KCNN3: variants seen among roughly 807,000 people sequenced by gnomAD.
KCNN3 encodes potassium calcium-activated channel subfamily N member 3, also known as small conductance calcium-activated potassium channel protein 3.
A neutral mutation model predicts 62.9 loss-of-function variants in KCNN3; 16 were observed. That is an observed-to-expected ratio of 0.25 (90% CI 0.17 to 0.39). The LOEUF (loss-of-function observed/expected upper bound fraction) is 0.39, where lower values mean the gene tolerates loss of function less well. Ranked by LOEUF, KCNN3 falls within the 10% of genes least tolerant of loss-of-function variation. The pLI is 1.00. For missense variants in KCNN3, 599 were observed against 949.4 expected, an observed-to-expected ratio of 0.63 and a Z score of 4.85; for synonymous variants, 370 against 389.2, an observed-to-expected ratio of 0.95 and a Z score of 0.58.
intron 1 of KCNN3, among the ~76,000 whole-genome samples, chr1:154,844,285 G>A (rs1289576856): frequency 6.6e-6 from 1 of 152,226 alleles, no homozygotes; most frequent in Non-Finnish European, 1.5e-5. Flanking sequence ...TACCTTTAAT[G>A]GAGAGTAAGA....
At chr1:154,789,673 C>T (rs1423693325) in intron 2 of KCNN3, among the ~76,000 whole-genome samples, 7 of 152,102 alleles carry the variant, frequency 4.6e-5, no homozygotes, top group Non-Finnish European at 8.8e-5. Flanking sequence ...ATCGGAGAGG[C>T]GGCACTCAGG....
chr1:154,795,240 T>C (rs749973052), intron 2 of KCNN3, among the ~76,000 whole-genome samples: 5 of 152,198 alleles, frequency 3.3e-5, no homozygotes, highest in African/African-American at 4.8e-5. Flanking sequence ...TGGGATTAGA[T>C]TGCCTTTGCG....
At chr1:154,726,155 G>A in intron 4 of KCNN3, 129 bp from the exon 5 acceptor site, 1 of 675,980 alleles carries the variant, frequency 1.5e-6, no homozygotes, top group African/African-American at 1.8e-5. Context: ...GAGCTCTCTG[G>A]CTGGTCACGA....
At chr1:154,814,130 A>G (rs1392850461) in intron 2 of KCNN3, among the ~76,000 whole-genome samples, 2 of 152,252 alleles carry the variant, frequency 1.3e-5, no homozygotes, top group Non-Finnish European at 2.9e-5. Context: ...TGGGACCCGC[A>G]GCCCCTTAGG....
At chr1:154,764,088 T>C (rs1571251932) in intron 3 of KCNN3, among the ~76,000 whole-genome samples, 1 of 152,354 alleles carries the variant, frequency 6.6e-6, no homozygotes, top group South Asian at 2.1e-4. Context: ...GGTCCTTCTG[T>C]TCTAGGTACT....
chr1:154,755,554 G>T (rs1304824930), intron 3 of KCNN3, among the ~76,000 whole-genome samples: 2 of 93,978 alleles, frequency 2.1e-5, no homozygotes, highest in African/African-American at 7.5e-5. Context: ...AAGGAAGGAA[G>T]AAAGAAAGAA....
intron 2 of KCNN3, among the ~76,000 whole-genome samples, chr1:154,782,647 A>G (rs1285903939): frequency 6.6e-6 from 1 of 152,180 alleles, no homozygotes; most frequent in African/African-American, 2.4e-5. Context: ...GTTCATAGCT[A>G]TTCCCTTTTG....
At chr1:154,846,342 G>A (rs763985910) in intron 1 of KCNN3, among the ~76,000 whole-genome samples, 2 of 152,070 alleles carry the variant, frequency 1.3e-5, no homozygotes, top group African/African-American at 2.4e-5. Context: ...CCAAATCATC[G>A]CTGGCTTCTT....
At chr1:154,752,709 G>A (rs1036836459) in intron 3 of KCNN3, among the ~76,000 whole-genome samples, 1 of 152,282 alleles carries the variant, frequency 6.6e-6, no homozygotes, top group Non-Finnish European at 1.5e-5. Flanking sequence ...GCTGGGCACT[G>A]TAGCAGACAT....
At chr1:154,792,309 C>CA (rs987336173) in intron 2 of KCNN3, among the ~76,000 whole-genome samples, 3 of 152,198 alleles carry the variant, frequency 2.0e-5, no homozygotes, top group Non-Finnish European at 4.4e-5. Context: ...ATAGCCTTTC[C>CA]ACCAGTGACA....
chr1:154,783,616 G>T (rs929995105), intron 2 of KCNN3, among the ~76,000 whole-genome samples: 2 of 152,172 alleles, frequency 1.3e-5, no homozygotes, highest in Non-Finnish European at 2.9e-5. Context: ...GGGGTCAGAG[G>T]AGACCAACAC....
chr1:154,710,459 A>AT (rs561290985), intron 7 of KCNN3, among the ~76,000 whole-genome samples: 108 of 151,826 alleles, frequency 7.1e-4, no homozygotes, highest in South Asian at 4.0e-3. Context: ...GGTTCTGCAG[A>AT]TTTTTCCCTT....
intron 5 of KCNN3, among the ~76,000 whole-genome samples, chr1:154,724,041 T>C (rs1700411096): frequency 6.6e-6 from 1 of 152,228 alleles, no homozygotes; most frequent in African/African-American, 2.4e-5. Context: ...CTCAGGGCCA[T>C]GATGTATCAA....
intron 1 of KCNN3, 105 bp from the exon 2 acceptor site, chr1:154,822,289 T>A (rs1650934374): frequency 9.5e-6 from 8 of 844,938 alleles, no homozygotes; most frequent in Middle Eastern, 2.3e-4. Context: ...CAGGAGGGAC[T>A]GTTACCAGCC....
chr1:154,868,872 C>G (rs1653055621), intron 1 of KCNN3, among the ~76,000 whole-genome samples, 160 bp downstream of exon 1: 1 of 151,892 alleles, frequency 6.6e-6, no homozygotes, highest in African/African-American at 2.4e-5. Flanking sequence ...CACCACCTCT[C>G]TCTCCCAGTC....
At chr1:154,820,319 A>G (rs1283668058) in intron 2 of KCNN3, among the ~76,000 whole-genome samples, 6 of 152,248 alleles carry the variant, frequency 3.9e-5, no homozygotes, top group Admixed American at 3.9e-4. Context: ...CTGGAGCAGA[A>G]AGAGGAAGTA....
At chr1:154,778,465 G>C (rs1458546709) in intron 2 of KCNN3, among the ~76,000 whole-genome samples, 5 of 152,150 alleles carry the variant, frequency 3.3e-5, no homozygotes, top group Non-Finnish European at 7.4e-5. Flanking sequence ...GCGCCCGGAA[G>C]GCATGCATCA....
chr1:154,810,574 G>A (rs1218269863), intron 2 of KCNN3, among the ~76,000 whole-genome samples: 2 of 152,178 alleles, frequency 1.3e-5, no homozygotes, highest in Non-Finnish European at 2.9e-5. Flanking sequence ...TCATCCTTGA[G>A]GCAAGCCTTG....
At position 154,740,104 on chromosome 1, in the gene KCNN3, C is replaced by G. The variant is rs780753545; in HGVS notation, c.1449-6960G>C. Among the ~76,000 whole-genome samples the G allele has an allele frequency of 3.9e-5, 6 of 152,298 alleles. No homozygotes were observed. The South Asian group carries it at 6.2e-4, about 16-fold the overall frequency. On this transcript the variant is annotated intron_variant, in intron 3 of 7. Transcript: ENST00000271915. ...TTCTATGAATTGCTTCTTTTCTGTT[C>G]AACATATATATTATATTGACATATG...
Sources: allele counts gnomAD v4.1 joint callset (sites outside exome capture counted in the v4.1 genomes callset), GRCh38; gene constraint gnomAD v4.1.1; transcripts MANE v1.5; gene names NCBI Gene and HGNC (gene_info 2026-07-23, HGNC 2026-07-21).